Variants in LIN9 observed in about 807,000 individuals in gnomAD.
LIN9 encodes the protein lin-9 DREAM MuvB core complex component, also known as protein lin-9 homolog.
Under a neutral mutation model 78.0 loss-of-function variants are expected in LIN9, and 18 were observed. The observed-to-expected ratio is 0.23, with a 90% CI of 0.16 to 0.34. LIN9 has a LOEUF of 0.34. Ranked by LOEUF, LIN9 falls within the 10% of genes least tolerant of loss-of-function variation. LIN9 has a pLI of 1.00. For missense variants in LIN9, 451 were observed against 644.1 expected (o/e 0.70, Z 3.25); for synonymous variants, 192 against 215.2 (o/e 0.89, Z 0.94).
chr1:226,306,018 T>C (rs1298651287), intron 1 of LIN9, among the ~76,000 whole-genome samples: 5 of 151,976 alleles, frequency 3.3e-5, no homozygotes, highest in African/African-American at 2.4e-5. Flanking sequence ...GGCTTAAATA[T>C]GGGAAGTGAA....
chr1:226,242,646 TTTAAAA>T (rs1279073865), intron 11 of LIN9, among the ~76,000 whole-genome samples: 1 of 152,210 alleles, frequency 6.6e-6, no homozygotes, highest in Non-Finnish European at 1.5e-5. Flanking sequence ...GCAGACTTTT[TTTAAAA>T]TTAATTTTTG....
At chr1:226,301,231 A>C (rs1055040104) in intron 1 of LIN9, 26 bp from the exon 2 acceptor site, 104 of 1,575,398 alleles carry the variant, frequency 6.6e-5, no homozygotes, top group Non-Finnish European at 8.8e-5. Flanking sequence ...AAACAAATCA[A>C]TAATTATTTC....
chr1:226,289,841 GGGGGT>G (rs1306777284), intron 4 of LIN9, among the ~76,000 whole-genome samples: 1 of 66,596 alleles, frequency 1.5e-5, no homozygotes, highest in Non-Finnish European at 3.3e-5. Flanking sequence ...CTCCGGGGGG[GGGGGT>G]GGGGGGGGGT....
chr1:226,256,589 C>T (rs764614638), intron 10 of LIN9, among the ~76,000 whole-genome samples: 2 of 151,442 alleles, frequency 1.3e-5, no homozygotes, highest in East Asian at 3.9e-4. Flanking sequence ...GACAGAGTCT[C>T]GCTCTGTCAC....
chr1:226,236,792 GATCC>G (rs1657748115), intron 12 of LIN9, among the ~76,000 whole-genome samples: 1 of 152,174 alleles, frequency 6.6e-6, no homozygotes, highest in East Asian at 1.9e-4. Flanking sequence ...GTGTTTGTGA[GATCC>G]ATCTATGGCA....
intron 2 of LIN9, among the ~76,000 whole-genome samples, chr1:226,298,799 G>A (rs1662324185): frequency 6.6e-6 from 1 of 152,056 alleles, no homozygotes; most frequent in Non-Finnish European, 1.5e-5. Flanking sequence ...GGCGAAGGTC[G>A]AAGCAAGCCA....
chr1:226,298,183 T>C (rs372205192), intron 2 of LIN9, among the ~76,000 whole-genome samples: 2 of 152,356 alleles, frequency 1.3e-5, no homozygotes, highest in African/African-American at 4.8e-5. Flanking sequence ...TTTTCTAACC[T>C]TGAATTTAGA....
chr1:226,290,502 G>A (rs868082424), intron 4 of LIN9, among the ~76,000 whole-genome samples: 17 of 151,860 alleles, frequency 1.1e-4, no homozygotes, highest in Admixed American at 4.6e-4. Flanking sequence ...CACCACGCCC[G>A]GCTAATTTTT....
chr1:226,246,776 G>A (rs1166351075), intron 11 of LIN9, among the ~76,000 whole-genome samples: 1 of 124,366 alleles, frequency 8.0e-6, no homozygotes. Context: ...CTGGGTGACA[G>A]AGCGAGACTC....
At chr1:226,306,678 T>C (rs780814603) in intron 1 of LIN9, among the ~76,000 whole-genome samples, 36 of 152,320 alleles carry the variant, frequency 2.4e-4, no homozygotes, top group Non-Finnish European at 4.7e-4. Flanking sequence ...AAATACTCAA[T>C]AAATGGTAGC....
At position 226,275,693 on chromosome 1, in the gene LIN9, G is replaced by GA. The variant is rs1272770989; in HGVS notation, c.682+2081dup. Among the ~76,000 whole-genome samples the GA allele has an allele frequency of 3.3e-4, 42 of 128,754 alleles. 2 individuals carry two copies. Among genetic ancestry groups the GA allele is most frequent in the East Asian group, 9.2e-4 (4 of 4,352 alleles). 84.5% of individuals were successfully genotyped at this position (128,754 alleles called of 152,430 possible). On this transcript the variant is annotated intron_variant, in intron 7 of 14. Coordinates refer to ENST00000681046, the MANE Select transcript of LIN9 (RefSeq NM_001366245.2). Reference sequence around the variant, plus strand: ...GGCAACAGAGCAAGACTCCGTCTCAGAAAAAAAAAAAAAAAAAAAGAAAAA... The same window carrying GA: ...GGCAACAGAGCAAGACTCCGTCTCAGAAAAAAAAAAAAAAAAAAAAGAAAAA...
intron 2 of LIN9, 37 bp from the exon 3 acceptor site, chr1:226,297,850 T>A: frequency 8.0e-7 from 1 of 1,252,070 alleles, no homozygotes; most frequent in Non-Finnish European, 1.1e-6. Flanking sequence ...AATTTTGGCT[T>A]AGTTCAAAGG....
intron 11 of LIN9, among the ~76,000 whole-genome samples, chr1:226,241,587 G>A (rs890760731): frequency 4.7e-4 from 72 of 152,278 alleles, no homozygotes; most frequent in African/African-American, 1.6e-3. Context: ...GGCCGGGTGC[G>A]GTGGCTCACG....
chr1:226,260,925 G>A (rs1269213469), intron 10 of LIN9, among the ~76,000 whole-genome samples: 4 of 151,986 alleles, frequency 2.6e-5, no homozygotes, highest in East Asian at 1.9e-4. Context: ...GATTACAGGC[G>A]TGAGCCACCG....
chr1:226,277,755 A>G lies in LIN9; in HGVS notation c.682+20T>C, dbSNP rs1660761109. On this transcript the variant is annotated intron_variant, in intron 7 of 14. Coordinates refer to ENST00000681046, the MANE Select transcript of LIN9 (RefSeq NM_001366245.2). ...TTAAAAATTACAAGTCAAAAGAGTA[A>G]TTAGCTTGTTTTCACTTACCTGTAA... 7 of 1,602,390 alleles carry G rather than the reference A, an allele frequency of 4.4e-6. No individual in the cohort carries two copies. The highest frequency in any genetic ancestry group is 6.0e-6 in the Non-Finnish European group (7 of 1,173,644).
At chr1:226,262,593 C>T (rs1326955739) in intron 10 of LIN9, among the ~76,000 whole-genome samples, 1 of 152,174 alleles carries the variant, frequency 6.6e-6, no homozygotes, top group Non-Finnish European at 1.5e-5. Context: ...GATACCACAA[C>T]AAACCTATTA....
In LIN9 at chr1:226,289,867, G is replaced by A. The variant is rs374013792; in HGVS notation, c.265-2070C>T. Among the ~76,000 whole-genome samples, 41 of 127,934 alleles carry A rather than the reference G, an allele frequency of 3.2e-4. No individual in the cohort carries two copies. In the East Asian group the frequency reaches 0.011, roughly 34 times the overall value. 83.9% of individuals were successfully genotyped at this position (127,934 alleles called of 152,430 possible). ...GGGGTGGGGGGGGGTGGGAAAGCTA[G>A]GTTGCAATTTTACTTCATCCCTTAC... On this transcript the variant is annotated intron_variant, in intron 4 of 14. Coordinates refer to ENST00000681046, the MANE Select transcript of LIN9 (RefSeq NM_001366245.2).
At chr1:226,297,550 C>A (rs1236230645) in intron 3 of LIN9, among the ~76,000 whole-genome samples, 169 bp downstream of exon 3, 1 of 152,124 alleles carries the variant, frequency 6.6e-6, no homozygotes, top group East Asian at 1.9e-4. Flanking sequence ...CAGATTATCA[C>A]TGGGTACAGA....
At chr1:226,256,465 C>A (rs564026125) in intron 10 of LIN9, among the ~76,000 whole-genome samples, 1 of 151,800 alleles carries the variant, frequency 6.6e-6, no homozygotes, top group Non-Finnish European at 1.5e-5. Context: ...TTTGGAAGGC[C>A]AAGAGGGAGG....
Sources: gnomAD v4.1 joint callset for allele counts (sites outside exome capture counted in the v4.1 genomes callset) on GRCh38, gnomAD v4.1.1 for gene constraint, MANE v1.5 for transcripts, NCBI Gene and HGNC (gene_info 2026-07-23, HGNC 2026-07-21) for gene names.